The following FRMD4B variants were observed in gnomAD, a reference collection of about 807,000 sequenced individuals.
FRMD4B encodes the protein FERM domain containing 4B.
In FRMD4B, 74 loss-of-function variants were observed where a neutral mutation model predicts 141.5. The observed-to-expected ratio is 0.52, with a 90% CI of 0.43 to 0.63. FRMD4B has a LOEUF of 0.63. FRMD4B is among the 30% of genes least tolerant of loss of function. The pLI is 0.00. For missense variants in FRMD4B, 1,366 were observed against 1,253.4 expected (o/e 1.09, Z -1.36); for synonymous variants, 506 against 467.9 (o/e 1.08, Z -1.05).
At chr3:69,190,852 T>C (rs191920711) in intron 17 of FRMD4B, among the ~76,000 whole-genome samples, 35 of 152,316 alleles carry the variant, frequency 2.3e-4, no homozygotes, top group Admixed American at 9.2e-4. Flanking sequence ...GTTTAAGTCT[T>C]GGTTTTGCCA....
intron 1 of FRMD4B, among the ~76,000 whole-genome samples, chr3:69,336,239 T>C (rs1048097225): frequency 2.0e-5 from 3 of 152,206 alleles, no homozygotes; most frequent in African/African-American, 4.8e-5. Flanking sequence ...TCAGTGGTTC[T>C]TGAAGTGTGG....
At position 69,247,993 on chromosome 3, in the gene FRMD4B, T is replaced by C. The variant is rs539848880; in HGVS notation, c.581+1233A>G. Among the ~76,000 whole-genome samples, 4 of 151,918 alleles carry C rather than the reference T, an allele frequency of 2.6e-5. No individual in the cohort carries two copies. In the South Asian group the frequency reaches 8.3e-4, roughly 32 times the overall value. ...TTGTAGTAGAGACAGGGTTTCACCATGTTGGCCACGCTGGTCTGGAACTCC... is the reference window on the plus strand; with the variant it reads ...TTGTAGTAGAGACAGGGTTTCACCACGTTGGCCACGCTGGTCTGGAACTCC... On this transcript the variant is annotated intron_variant, in intron 7 of 22. Coordinates refer to ENST00000398540, the MANE Select transcript of FRMD4B (RefSeq NM_015123.3).
chr3:69,469,155 C>T (rs1038237171), intron 1 of FRMD4B, among the ~76,000 whole-genome samples: 3 of 152,060 alleles, frequency 2.0e-5, no homozygotes, highest in Admixed American at 6.6e-5. Context: ...AAGGGAGGCT[C>T]GGGGATGTAG....
rs575740649 is a variant in FRMD4B at position 69,198,681 on chromosome 3, A to C, written c.953+17T>G. 50 of 1,352,314 alleles carry C rather than the reference A, an allele frequency of 3.7e-5. No individual in the cohort carries two copies. The East Asian group carries it at 1.2e-3, about 32-fold the overall frequency. The allele number at this position is 1,352,314 out of a possible 1,614,324, so 83.8% of individuals were successfully genotyped here. Reference sequence around the variant, plus strand: ...TATAGTAACTGTGTCATACAGAGAAACGTCTTTGATCCTCACCTTCGTGGA... The same window carrying C: ...TATAGTAACTGTGTCATACAGAGAACCGTCTTTGATCCTCACCTTCGTGGA... On this transcript the variant is annotated intron_variant, in intron 12 of 22. Transcript: ENST00000398540.
chr3:69,267,575 ATATGTG>A (rs772992809), intron 5 of FRMD4B, among the ~76,000 whole-genome samples: 22 of 12,334 alleles, frequency 1.8e-3, no homozygotes, highest in South Asian at 0.01. Flanking sequence ...ACATATATAT[ATATGTG>A]TGTGTGTGTG....
At chr3:69,330,324 A>C (rs1156275480) in intron 1 of FRMD4B, among the ~76,000 whole-genome samples, 1 of 70,330 alleles carries the variant, frequency 1.4e-5, no homozygotes, top group Non-Finnish European at 3.0e-5. Flanking sequence ...ACAACATTAT[A>C]TTTTGATTCT....
At chr3:69,518,953 G>T (rs1243537154) in intron 1 of FRMD4B, among the ~76,000 whole-genome samples, 4 of 152,168 alleles carry the variant, frequency 2.6e-5, no homozygotes, top group African/African-American at 9.7e-5. Flanking sequence ...CAACATCCAG[G>T]CAGCTTGTTT....
intron 11 of FRMD4B, among the ~76,000 whole-genome samples, chr3:69,208,210 C>T (rs1202728378): frequency 6.6e-5 from 10 of 152,098 alleles, no homozygotes; most frequent in African/African-American, 2.2e-4. Flanking sequence ...ATTACAGGCA[C>T]CCACCACCAC....
intron 1 of FRMD4B, among the ~76,000 whole-genome samples, chr3:69,366,290 A>C (rs950667158): frequency 1.3e-5 from 2 of 148,962 alleles, no homozygotes; most frequent in Non-Finnish European, 3.0e-5. Flanking sequence ...AAAACAAAAA[A>C]AATTGACAAC....
chr3:69,219,076 A>G (rs1381868375), intron 9 of FRMD4B, among the ~76,000 whole-genome samples: 1 of 149,836 alleles, frequency 6.7e-6, no homozygotes, highest in East Asian at 2.0e-4. Flanking sequence ...GAGGCAGGAG[A>G]ATTGCTTGAA....
intron 1 of FRMD4B, among the ~76,000 whole-genome samples, chr3:69,494,227 G>A (rs1283259010): frequency 5.3e-5 from 8 of 152,256 alleles, no homozygotes; most frequent in East Asian, 3.9e-4. Context: ...GTTCCACCAC[G>A]AATGGTTAAC....
chr3:69,464,773 G>C (rs538921692), intron 1 of FRMD4B, among the ~76,000 whole-genome samples: 2 of 152,100 alleles, frequency 1.3e-5, no homozygotes, highest in Non-Finnish European at 2.9e-5. Context: ...AAACAAAATT[G>C]AACCTGAATC....
At chr3:69,414,301 C>T (rs891101239) in intron 2 of FRMD4B, among the ~76,000 whole-genome samples, 1 of 152,052 alleles carries the variant, frequency 6.6e-6, no homozygotes, top group African/African-American at 2.4e-5. Flanking sequence ...ACAAGACTGT[C>T]CGTCAAGCAG....
intron 1 of FRMD4B, among the ~76,000 whole-genome samples, chr3:69,464,683 T>G (rs1243978778): frequency 6.6e-6 from 1 of 152,158 alleles, no homozygotes; most frequent in Non-Finnish European, 1.5e-5. Flanking sequence ...CCATCACTGA[T>G]TGCCAATATC....
chr3:69,471,991 C>CT lies in FRMD4B; in HGVS notation c.-128-39231dup, dbSNP rs58822985. On this transcript the variant is annotated intron_variant, in intron 1 of 5. Coordinates refer to the FRMD4B transcript ENST00000459638. ...TTCTCCCCTCACTGGTGAAAGTTGTCTTTTTTTTTTTTTTATAAAAGAGAA... is the reference window on the plus strand; with the variant it reads ...TTCTCCCCTCACTGGTGAAAGTTGTCTTTTTTTTTTTTTTTATAAAAGAGAA... 8.1e-3 allele frequency: 1,202 copies of CT among 148,764 alleles called. 5 individuals are homozygous for CT. The highest frequency in any genetic ancestry group is 0.02 in the Middle Eastern group (13 of 654). 9.2% of individuals were successfully genotyped at this position (148,764 alleles called of 1,614,324 possible).
intron 1 of FRMD4B, among the ~76,000 whole-genome samples, chr3:69,467,854 G>T (rs1433705383): frequency 6.6e-6 from 1 of 152,184 alleles, no homozygotes; most frequent in Non-Finnish European, 1.5e-5. Flanking sequence ...TACTAAAAAG[G>T]AGGGTGCTCT....
intron 6 of FRMD4B, among the ~76,000 whole-genome samples, chr3:69,249,792 A>G (rs763085014): frequency 6.6e-6 from 1 of 152,212 alleles, no homozygotes; most frequent in Non-Finnish European, 1.5e-5. Flanking sequence ...TCTTCCAGGA[A>G]TATGGGTTTA....
intron 1 of FRMD4B, among the ~76,000 whole-genome samples, chr3:69,348,364 T>C (rs1352362905): frequency 9.9e-5 from 15 of 152,076 alleles, no homozygotes; most frequent in African/African-American, 3.4e-4. Flanking sequence ...CCAAAAAAAG[T>C]CCAGGACCAG....
At chr3:69,240,425 G>A (rs2093373748) in intron 7 of FRMD4B, among the ~76,000 whole-genome samples, 1 of 135,186 alleles carries the variant, frequency 7.4e-6, no homozygotes, top group South Asian at 2.4e-4. Flanking sequence ...AGGTTGCAGT[G>A]AGCCAAGATA....
Sources: gnomAD v4.1 joint callset for allele counts (sites outside exome capture counted in the v4.1 genomes callset) on GRCh38, gnomAD v4.1.1 for gene constraint, MANE v1.5 for transcripts, NCBI Gene and HGNC (gene_info 2026-07-23, HGNC 2026-07-21) for gene names.